Variants in DCC observed in about 807,000 individuals in gnomAD.
DCC encodes DCC netrin 1 receptor.
A neutral mutation model predicts 172.5 loss-of-function variants in DCC; 58 were observed. That is an observed-to-expected ratio of 0.34 (90% CI 0.27 to 0.42). The LOEUF (loss-of-function observed/expected upper bound fraction) is 0.42. Ranked by LOEUF, DCC falls within the 10% of genes least tolerant of loss-of-function variation. The pLI, the probability that DCC is intolerant of heterozygous loss-of-function variation, is 1.00. For synonymous variants in DCC, 709 were observed against 644.5 expected (o/e 1.10, Z -1.52); for missense variants, 1,740 against 1,791.0 (o/e 0.97, Z 0.51).
At chr18:52,603,897 T>C (rs914122983) in intron 1 of DCC, among the ~76,000 whole-genome samples, 2 of 152,144 alleles carry the variant, frequency 1.3e-5, no homozygotes, top group Non-Finnish European at 2.9e-5. Flanking sequence ...TTTATGTATG[T>C]TTACTAAGAA....
chr18:53,179,347 C>G (rs2055158944), intron 9 of DCC, among the ~76,000 whole-genome samples: 1 of 152,164 alleles, frequency 6.6e-6, no homozygotes, highest in African/African-American at 2.4e-5. Flanking sequence ...AAGGCCTAAT[C>G]TATCTATGCA....
chr18:52,724,998 GCTAA>G (rs1249415741), intron 1 of DCC, among the ~76,000 whole-genome samples: 1 of 152,178 alleles, frequency 6.6e-6, no homozygotes, highest in Non-Finnish European at 1.5e-5. Context: ...TAAAGAAATA[GCTAA>G]CTATGAGGGT....
chr18:52,440,676 G>T (rs1363805450), intron 1 of DCC, among the ~76,000 whole-genome samples: 3 of 152,126 alleles, frequency 2.0e-5, no homozygotes, highest in African/African-American at 7.2e-5. Context: ...ATTCTAAATT[G>T]CACTGTTAGA....
Position 53,157,457 on chromosome 18 carries a change from G to T in DCC, c.1363G>T (p.Ala455Ser), listed in dbSNP as rs756047757. 1 of 1,614,166 alleles carries T rather than the reference G, an allele frequency of 6.2e-7. No homozygotes were observed. The highest frequency in any genetic ancestry group is 1.3e-5 in the African/African-American group (1 of 75,058). ...VRLSWRPPAE[A>S]KGNIQTFTVF... is the part of the protein sequence containing the mutation. ...TCTCAGCTGGCGCCCACCTGCAGAA[G>T]CGAAAGGGAACATTCAAACTTTCAC... is the stretch of plus-strand genomic sequence containing the variant. Residue 455 changes from alanine (A) to serine (S), a missense_variant, in exon 8 of 29, where the codon GCG becomes TCG. Coordinates refer to ENST00000442544, the MANE Select transcript of DCC (RefSeq NM_005215.4).
At chr18:52,895,711 A>G (rs1173939731) in intron 2 of DCC, among the ~76,000 whole-genome samples, 1 of 152,222 alleles carries the variant, frequency 6.6e-6, no homozygotes, top group Admixed American at 6.5e-5. Context: ...TTAAATAACA[A>G]TATTGAATAC....
At chr18:52,832,986 C>T (rs1015490528) in intron 2 of DCC, among the ~76,000 whole-genome samples, 5 of 152,072 alleles carry the variant, frequency 3.3e-5, no homozygotes, top group Non-Finnish European at 7.4e-5. Context: ...ATATGCATAG[C>T]CCTCTGCCAT....
intron 1 of DCC, among the ~76,000 whole-genome samples, chr18:52,384,326 T>G (rs1985706245): frequency 6.6e-6 from 1 of 152,152 alleles, no homozygotes; most frequent in Non-Finnish European, 1.5e-5. Flanking sequence ...GGCATGCCTT[T>G]GCTAAAGCTC....
At chr18:52,969,615 CTCTCTCTTTCTGTGACTCTCTGTG>C (rs2040993959) in intron 5 of DCC, among the ~76,000 whole-genome samples, 3 of 137,358 alleles carry the variant, frequency 2.2e-5, no homozygotes, top group African/African-American at 5.2e-5. Flanking sequence ...CTCTCTCTCT[CTCTCTCTTTCTGTGACTCTCTGTG>C]TCTCTCTCTC....
chr18:53,457,940 A>G (rs1031743167), intron 23 of DCC, among the ~76,000 whole-genome samples: 1 of 152,212 alleles, frequency 6.6e-6, no homozygotes, highest in Admixed American at 6.5e-5. Flanking sequence ...AAATTACACC[A>G]CCAAATATTT....
At position 52,340,540 on chromosome 18, in the gene DCC, C is replaced by T. The variant is rs150173052; in HGVS notation, c.-248C>T. On this transcript the variant is annotated 5_prime_UTR_variant, in exon 1 of 29. Transcript: ENST00000442544. ...AAGGTTTTACCGGGGCTCGGGATCT[C>T]TTGGACCGAATGGAACTTTTTGCTG... The T allele has an allele frequency of 2.5e-4, 147 of 591,572 alleles. No homozygotes were observed. Among genetic ancestry groups the T allele is most frequent in the African/African-American group, 2.3e-3 (125 of 53,836 alleles). 36.6% of individuals were successfully genotyped at this position (591,572 alleles called of 1,614,324 possible).
chr18:53,218,554 G>A (rs1235604657), intron 12 of DCC, among the ~76,000 whole-genome samples: 1 of 152,108 alleles, frequency 6.6e-6, no homozygotes, highest in Non-Finnish European at 1.5e-5. Flanking sequence ...TAGCAGAACA[G>A]ATTAGATTCC....
At chr18:52,792,057 G>A (rs78227186) in intron 2 of DCC, among the ~76,000 whole-genome samples, 254 of 152,156 alleles carry the variant, frequency 1.7e-3, no homozygotes, top group African/African-American at 5.7e-3. Flanking sequence ...CAAAGAATTG[G>A]GAAGCCAGGG....
intron 5 of DCC, among the ~76,000 whole-genome samples, chr18:53,041,722 T>C (rs1334961491): frequency 6.6e-6 from 1 of 152,080 alleles, no homozygotes; most frequent in Non-Finnish European, 1.5e-5. Context: ...CTTGAAGAGG[T>C]CCTTCACATC....
chr18:53,400,158 G>A (rs900841563), intron 18 of DCC, among the ~76,000 whole-genome samples: 1 of 152,010 alleles, frequency 6.6e-6, no homozygotes, highest in Non-Finnish European at 1.5e-5. Flanking sequence ...TAAAATCAGA[G>A]CAAACAAAGT....
chr18:52,482,879 T>C (rs990056170), intron 1 of DCC, among the ~76,000 whole-genome samples: 1 of 152,156 alleles, frequency 6.6e-6, no homozygotes, highest in Non-Finnish European at 1.5e-5. Flanking sequence ...CATATCCCCT[T>C]GTATTAGGGC....
Position 52,420,433 on chromosome 18 carries a change from C to A in DCC, c.91+79555C>A, listed in dbSNP as rs189053979. Among the ~76,000 whole-genome samples, 299 of 152,262 alleles carry A rather than the reference C, an allele frequency of 2.0e-3. 1 individual carries two copies. The highest frequency in any genetic ancestry group is 4.0e-3 in the Admixed American group (61 of 15,294). On this transcript the variant is annotated intron_variant, in intron 1 of 28. Transcript: ENST00000442544. ...CATTTCTTAAAGTATGGTCCACAGT[C>A]TCCTACACCAGAATACCACAATGAG...
chr18:53,145,579 G>T (rs2043900129), intron 7 of DCC, among the ~76,000 whole-genome samples: 1 of 152,118 alleles, frequency 6.6e-6, no homozygotes, highest in Admixed American at 6.5e-5. Context: ...CTAGCCTCCA[G>T]AATTGTGAGA....
chr18:53,396,032 A>C (rs1908917163), intron 17 of DCC, among the ~76,000 whole-genome samples: 1 of 152,146 alleles, frequency 6.6e-6, no homozygotes, highest in South Asian at 2.1e-4. Context: ...TTATTAGTAC[A>C]GTTACATATT....
intron 5 of DCC, among the ~76,000 whole-genome samples, chr18:52,960,178 A>T (rs561618225): frequency 2.6e-5 from 4 of 152,030 alleles, no homozygotes; most frequent in African/African-American, 9.7e-5. Context: ...TATAGATTTT[A>T]AAAAATTTCT....
Sources: allele counts gnomAD v4.1 joint callset (sites outside exome capture counted in the v4.1 genomes callset), GRCh38; gene constraint gnomAD v4.1.1; transcripts MANE v1.5; gene names NCBI Gene and HGNC (gene_info 2026-07-23, HGNC 2026-07-21).